The following PTPRT variants were observed in gnomAD, a reference collection of about 807,000 sequenced individuals.
PTPRT encodes receptor-type tyrosine-protein phosphatase T.
PTPRT carries 56 observed loss-of-function variants against 176.8 expected under a neutral mutation model. The ratio of observed to expected loss-of-function variants is 0.32; its 90% CI spans 0.26 to 0.40. PTPRT has a LOEUF of 0.40. Ranked by LOEUF, PTPRT falls within the 10% of genes least tolerant of loss-of-function variation. The pLI, the probability that PTPRT is intolerant of heterozygous loss-of-function variation, is 1.00. For missense variants in PTPRT, 1,540 were observed against 1,908.2 expected (o/e 0.81, Z 3.60); for synonymous variants, 783 against 739.0 (o/e 1.06, Z -0.96).
chr20:42,774,120 T>C (rs906072644), intron 4 of PTPRT, among the ~76,000 whole-genome samples: 3 of 152,184 alleles, frequency 2.0e-5, no homozygotes, highest in Non-Finnish European at 4.4e-5. Context: ...ACTGGCAATT[T>C]ACAGCAGAGA....
intron 1 of PTPRT, among the ~76,000 whole-genome samples, chr20:42,953,497 T>C (rs550326179): frequency 6.6e-6 from 1 of 152,322 alleles, no homozygotes; most frequent in Non-Finnish European, 1.5e-5. Context: ...AGTTAAGCCA[T>C]AACTTGTTGT....
At chr20:43,062,294 T>C (rs145283966) in intron 1 of PTPRT, among the ~76,000 whole-genome samples, 18 of 152,378 alleles carry the variant, frequency 1.2e-4, no homozygotes, top group Admixed American at 5.9e-4. Context: ...CCAACAGCTC[T>C]AGCTTTCAAT....
chr20:42,940,836 C>G (rs2145991907), intron 1 of PTPRT, among the ~76,000 whole-genome samples: 1 of 152,232 alleles, frequency 6.6e-6, no homozygotes, highest in East Asian at 1.9e-4. Context: ...AATCCCGGCA[C>G]TTTGGGAGGC....
chr20:42,795,706 C>A (rs2145567526), intron 2 of PTPRT, among the ~76,000 whole-genome samples: 1 of 152,292 alleles, frequency 6.6e-6, no homozygotes, highest in South Asian at 2.1e-4. Context: ...TGACATGAAA[C>A]AAGTTCTGGA....
intron 1 of PTPRT, among the ~76,000 whole-genome samples, chr20:42,929,169 T>C (rs149940662): frequency 1.2e-3 from 176 of 152,330 alleles, no homozygotes; most frequent in African/African-American, 4.1e-3. Flanking sequence ...CCTAGGGAGA[T>C]ATTTTGTGCC....
At chr20:42,573,741 C>CTTTT (rs1568987818) in intron 7 of PTPRT, among the ~76,000 whole-genome samples, 6 of 98,152 alleles carry the variant, frequency 6.1e-5, no homozygotes, top group African/African-American at 2.4e-4. Flanking sequence ...CGGACCCTTT[C>CTTTT]TTTCTTTCTT....
intron 27 of PTPRT, among the ~76,000 whole-genome samples, chr20:42,087,350 C>G (rs779146079): frequency 7.9e-5 from 12 of 152,072 alleles, no homozygotes; most frequent in Non-Finnish European, 1.5e-4. Context: ...CCTGCCTCAG[C>G]CTCCCAAGTA....
chr20:42,240,569 A>G (rs2056332082), intron 14 of PTPRT, among the ~76,000 whole-genome samples: 1 of 152,178 alleles, frequency 6.6e-6, no homozygotes, highest in Non-Finnish European at 1.5e-5. Flanking sequence ...ATACAATTTA[A>G]ACAGGACAAA....
At chr20:42,285,948 T>G (rs903189924) in intron 12 of PTPRT, among the ~76,000 whole-genome samples, 1 of 151,734 alleles carries the variant, frequency 6.6e-6, no homozygotes, top group Non-Finnish European at 1.5e-5. Flanking sequence ...AACAATAAAC[T>G]ACCTAAAAAA....
intron 6 of PTPRT, among the ~76,000 whole-genome samples, chr20:42,739,984 A>G (rs1479802756): frequency 6.6e-6 from 1 of 152,182 alleles, no homozygotes; most frequent in Admixed American, 6.5e-5. Flanking sequence ...CACTCTGGCT[A>G]AAGAATTGGG....
chr20:43,057,087 A>G (rs1433751377), intron 1 of PTPRT, among the ~76,000 whole-genome samples: 1 of 151,662 alleles, frequency 6.6e-6, no homozygotes, highest in East Asian at 1.9e-4. Context: ...AATTGTAGTG[A>G]TAGAAAACAG....
intron 7 of PTPRT, among the ~76,000 whole-genome samples, chr20:42,572,990 T>A (rs549393371): frequency 6.8e-6 from 1 of 148,006 alleles, no homozygotes; most frequent in African/African-American, 2.5e-5. Context: ...TATGTCTCCA[T>A]TAAAATATAA....
intron 13 of PTPRT, among the ~76,000 whole-genome samples, chr20:42,277,300 G>C (rs1458687242): frequency 1.3e-5 from 2 of 152,118 alleles, no homozygotes; most frequent in Non-Finnish European, 2.9e-5. Flanking sequence ...GGTTTATTTT[G>C]TCTCAATGAC....
chr20:42,231,252 A>T (rs2056129000), intron 15 of PTPRT, among the ~76,000 whole-genome samples: 1 of 152,232 alleles, frequency 6.6e-6, no homozygotes, highest in Non-Finnish European at 1.5e-5. Context: ...TGCTCCAAGC[A>T]CGTGGTCCAG....
intron 1 of PTPRT, among the ~76,000 whole-genome samples, chr20:43,081,122 C>T (rs1436844247): frequency 1.3e-5 from 2 of 152,192 alleles, no homozygotes; most frequent in Non-Finnish European, 1.5e-5. Context: ...AGTTTTGATA[C>T]TGAGGATATA....
chr20:42,192,692 T>C (rs1411620455), intron 16 of PTPRT, among the ~76,000 whole-genome samples: 1 of 152,204 alleles, frequency 6.6e-6, no homozygotes, highest in East Asian at 1.9e-4. Flanking sequence ...CAAAGTCCTG[T>C]AACAAAGGTT....
intron 5 of PTPRT, among the ~76,000 whole-genome samples, chr20:42,758,225 A>C (rs906713744): frequency 2.6e-5 from 4 of 152,218 alleles, no homozygotes; most frequent in Non-Finnish European, 5.9e-5. Flanking sequence ...TGAGTCTCCC[A>C]GTCTCGCAAC....
chr20:42,701,944 G>A (rs2075979621), intron 6 of PTPRT, among the ~76,000 whole-genome samples: 1 of 152,108 alleles, frequency 6.6e-6, no homozygotes, highest in South Asian at 2.1e-4. Flanking sequence ...ATATACGCAA[G>A]GCCATAGAGG....
chr20:42,818,316 C>T (rs1435301331), intron 2 of PTPRT, among the ~76,000 whole-genome samples: 1 of 151,720 alleles, frequency 6.6e-6, no homozygotes, highest in Non-Finnish European at 1.5e-5. Context: ...AATAAAGAAG[C>T]AGAAAGTGAC....
Sources: gnomAD v4.1 joint callset for allele counts (sites outside exome capture counted in the v4.1 genomes callset) on GRCh38, gnomAD v4.1.1 for gene constraint, MANE v1.5 for transcripts, NCBI Gene and HGNC (gene_info 2026-07-23, HGNC 2026-07-21) for gene names.